The following CXXC4 variants were observed in gnomAD, a reference collection of about 807,000 sequenced individuals.
The protein encoded by CXXC4 is CXXC-type zinc finger protein 4.
Under a neutral mutation model 20.5 loss-of-function variants are expected in CXXC4, and 5 were observed. The observed-to-expected ratio is 0.24, with a 90% CI of 0.13 to 0.51. The LOEUF (loss-of-function observed/expected upper bound fraction) is 0.51. Among genes scored for constraint, CXXC4 ranks in the 20% least tolerant of loss-of-function variants. CXXC4 has a pLI of 0.97. For synonymous variants in CXXC4, 250 were observed against 216.4 expected (o/e 1.16, Z -1.36); for missense variants, 419 against 496.4 (o/e 0.84, Z 1.48).
At position 104,471,444 on chromosome 4, in the gene CXXC4, A is replaced by T. The variant is rs1448377199; in HGVS notation, c.*878T>A. The T allele has an allele frequency of 2.6e-5, 4 of 151,412 alleles. No individual in the cohort carries two copies. The highest frequency in any genetic ancestry group is 9.7e-5 in the African/African-American group (4 of 41,242). The allele number at this position is 151,412 out of a possible 1,614,324, so 9.4% of individuals were successfully genotyped here. A position where few individuals can be genotyped will look rare whatever the true frequency, so the allele number is the denominator to read the frequency against. ...TTAGCCTAAAAAACACCGTTTTTATAAAAAAAAATTATACAACTGATTCTG... is the reference window on the plus strand; with the variant it reads ...TTAGCCTAAAAAACACCGTTTTTATTAAAAAAAATTATACAACTGATTCTG... On this transcript the variant is annotated 3_prime_UTR_variant, in exon 3 of 3. Transcript: ENST00000394767.
At chr4:104,488,474 T>G (rs1736751503) in intron 2 of CXXC4, among the ~76,000 whole-genome samples, 1 of 152,204 alleles carries the variant, frequency 6.6e-6, no homozygotes, top group African/African-American at 2.4e-5. Context: ...AAAAAAAGCT[T>G]TTTATTTCTT....
At chr4:104,484,038 C>G (rs1243351931) in intron 2 of CXXC4, among the ~76,000 whole-genome samples, 1 of 151,916 alleles carries the variant, frequency 6.6e-6, no homozygotes, top group Non-Finnish European at 1.5e-5. Flanking sequence ...AACAAATATT[C>G]AAAAACCACA....
At chr4:104,483,191 C>T (rs931420764) in intron 2 of CXXC4, among the ~76,000 whole-genome samples, 5 of 151,924 alleles carry the variant, frequency 3.3e-5, no homozygotes, top group African/African-American at 7.2e-5. Context: ...TCAGTTCTGA[C>T]TCTCAAACCA....
chr4:104,492,677 G>A (rs973181854), intron 1 of CXXC4, among the ~76,000 whole-genome samples: 23 of 152,256 alleles, frequency 1.5e-4, no homozygotes, highest in African/African-American at 4.8e-4. Flanking sequence ...AGCTGCCACA[G>A]TATCCTTCTG....
intron 2 of CXXC4, among the ~76,000 whole-genome samples, chr4:104,482,646 G>A (rs771630140): frequency 6.6e-5 from 10 of 151,954 alleles, no homozygotes; most frequent in Admixed American, 1.3e-4. Flanking sequence ...ACTAGTTCTC[G>A]CCATTTCCAC....
rs189558755 is a variant in CXXC4, at chr4:104,490,832, C to T, written c.971G>A (p.Ser324Asn). 6.2e-7 allele frequency: 1 copy of T among 1,614,248 alleles called. No homozygotes were observed. Among genetic ancestry groups the T allele is most frequent in the Admixed American group, 1.7e-5 (1 of 60,036 alleles). The change falls in exon 2 of 3, where the codon AGC becomes AAC. Residue 324 changes from serine (S) to asparagine (N), a missense_variant. Transcript: ENST00000394767. The stretch of plus-strand genomic sequence containing the variant: ...TCCCGTTTTGCGGTTCCTGCAACTG[C>T]TGCAGACGCCACAGTTGATGAGCCT... Reference protein sequence around the residue: ...CKRLINCGVCSSCRNRKTGHQ... With the variant: ...CKRLINCGVCNSCRNRKTGHQ...
chr4:104,491,071 G>A lies in CXXC4; in HGVS notation c.732C>T (p.Gly244=). ...CGATGACCCCTGGAGGTAATGAGAT[G>A]CCCCCTAAAGCCGGGATAGCGGAAA... ...GTFSAIPALG[G]ISLPPGVIVM... The change falls in exon 2 of 3, where the codon GGC becomes GGT. Residue 244 remains glycine, a synonymous_variant. Transcript: ENST00000394767. 2 of 1,614,058 alleles carry A rather than the reference G, an allele frequency of 1.2e-6. No individual in the cohort carries two copies. Among genetic ancestry groups the A allele is most frequent in the South Asian group, 2.2e-5 (2 of 91,076 alleles).
In CXXC4 at chr4:104,487,449, G is replaced by T. The variant is rs553909161; in HGVS notation, c.1059+3295C>A. On this transcript the variant is annotated intron_variant, in intron 2 of 2. Transcript: ENST00000394767. ...TATCCCTTGAGCCATATCAGATTGGGATATTTTTAAAAGTTAGAAGTCAGT... is the reference window on the plus strand; with the variant it reads ...TATCCCTTGAGCCATATCAGATTGGTATATTTTTAAAAGTTAGAAGTCAGT... Among the ~76,000 whole-genome samples the T allele has an allele frequency of 3.3e-5, 5 of 152,156 alleles. No homozygotes were observed. The South Asian group carries it at 1.0e-3, about 32-fold the overall frequency.
chr4:104,482,989 A>G (rs1736594192), intron 2 of CXXC4, among the ~76,000 whole-genome samples: 1 of 152,000 alleles, frequency 6.6e-6, no homozygotes, highest in Admixed American at 6.6e-5. Flanking sequence ...ATGTTTTCTA[A>G]AATATGAATT....
chr4:104,485,681 A>G (rs1211234246), intron 2 of CXXC4, among the ~76,000 whole-genome samples: 3 of 152,068 alleles, frequency 2.0e-5, no homozygotes, highest in Non-Finnish European at 4.4e-5. Flanking sequence ...TATTCCAACA[A>G]TGTTTCCACC....
rs1219987461 is a variant in CXXC4, at chr4:104,492,057, C to A, written c.-255G>T. ...CCTTTGCATTATCCTCCAACTGTTA[C>A]AACTAAAATAAAGAAAGTCATTCCA... On this transcript the variant is annotated splice_region_variant and 5_prime_UTR_variant, in exon 2 of 3. Coordinates refer to ENST00000394767, the MANE Select transcript of CXXC4 (RefSeq NM_025212.4). 1 of 343,076 alleles carries A rather than the reference C, an allele frequency of 2.9e-6. No homozygotes were observed. Among genetic ancestry groups the A allele is most frequent in the Non-Finnish European group, 5.2e-6 (1 of 190,528 alleles). 21.3% of individuals were successfully genotyped at this position (343,076 alleles called of 1,614,324 possible).
Position 104,491,416 on chromosome 4 carries a change from CCCGCCCCCGCCTCCGCCG to C in CXXC4, c.369_386del (p.Gly129_Gly134del), listed in dbSNP as rs1736865321. 4 of 1,024,706 alleles carry C rather than the reference CCCGCCCCCGCCTCCGCCG, an allele frequency of 3.9e-6. No homozygotes were observed. The highest frequency in any genetic ancestry group is 4.9e-6 in the Non-Finnish European group (4 of 810,558). 63.5% of individuals were successfully genotyped at this position (1,024,706 alleles called of 1,614,324 possible). A position where few individuals can be genotyped will look rare whatever the true frequency, so the allele number is the denominator to read the frequency against. On this transcript the variant is annotated inframe_deletion, in exon 2 of 3. Transcript: ENST00000394767. ...AGGATTTCCTGCCGCCCCCACCACCCCCGCCCCCGCCTCCGCCGCCGCCGCCGCCGCCGCCACCCCCCC... is the reference window on the plus strand; with the variant it reads ...AGGATTTCCTGCCGCCCCCACCACCCCCGCCGCCGCCGCCGCCACCCCCCC...
intron 2 of CXXC4, among the ~76,000 whole-genome samples, chr4:104,488,525 C>T (rs750202566): frequency 6.6e-6 from 1 of 152,170 alleles, no homozygotes; most frequent in Non-Finnish European, 1.5e-5. Context: ...AGCCTTGAAA[C>T]ACAGCCCATG....
At chr4:104,473,717 A>C (rs1266062888) in intron 2 of CXXC4, among the ~76,000 whole-genome samples, 1 of 151,978 alleles carries the variant, frequency 6.6e-6, no homozygotes, top group South Asian at 2.1e-4. Context: ...GTAAGTGCCA[A>C]TATATTTACT....
chr4:104,491,563 G>T lies in CXXC4; in HGVS notation c.240C>A (p.Ala80=). ...AGGGGGACATGCCGATGCGCGCGGC[G>T]GCCGCGGCGGCGGCGGCGCTGCTGG... ...IFPSSAAAAA[A]AARIGMSPWN... Residue 80 remains alanine (A), a synonymous_variant, in exon 2 of 3, where the codon GCC becomes GCA. Coordinates refer to ENST00000394767, the MANE Select transcript of CXXC4 (RefSeq NM_025212.4). 1 of 1,510,702 alleles carries T rather than the reference G, an allele frequency of 6.6e-7. No homozygotes were observed. The highest frequency in any genetic ancestry group is 1.4e-5 in the African/African-American group (1 of 69,410). The allele number at this position is 1,510,702 out of a possible 1,614,324, so 93.6% of individuals were successfully genotyped here. A position where few individuals can be genotyped will look rare whatever the true frequency, so the allele number is the denominator to read the frequency against.
In CXXC4 at chr4:104,471,584, T is replaced by C. The variant is rs940606437; in HGVS notation, c.*738A>G. On this transcript the variant is annotated 3_prime_UTR_variant, in exon 3 of 3. Transcript: ENST00000394767. Reference sequence around the variant, plus strand: ...ACAGCTCGTTTGTAAGCAATGCAAGTGCATAACCACTACTCTAATATAGTG... The same window carrying C: ...ACAGCTCGTTTGTAAGCAATGCAAGCGCATAACCACTACTCTAATATAGTG... 2.0e-5 allele frequency: 3 copies of C among 152,076 alleles called. No individual in the cohort carries two copies. Among genetic ancestry groups the C allele is most frequent in the Admixed American group, 6.6e-5 (1 of 15,236 alleles). The allele number at this position is 152,076 out of a possible 1,614,324, so 9.4% of individuals were successfully genotyped here.
At chr4:104,485,176 T>C (rs146080581) in intron 2 of CXXC4, among the ~76,000 whole-genome samples, 392 of 152,210 alleles carry the variant, frequency 2.6e-3, no homozygotes, top group Non-Finnish European at 4.4e-3. Context: ...GACATTTTGA[T>C]CAGTGACTAA....
chr4:104,476,306 T>C (rs899736014), intron 2 of CXXC4, among the ~76,000 whole-genome samples: 11 of 152,310 alleles, frequency 7.2e-5, no homozygotes, highest in African/African-American at 2.6e-4. Context: ...TTTTAGCATG[T>C]TTCTCTTCTC....
In CXXC4 at chr4:104,472,186, TTG is replaced by T; in HGVS notation, c.*134_*135del. On this transcript the variant is annotated 3_prime_UTR_variant, in exon 3 of 3. Coordinates refer to ENST00000394767, the MANE Select transcript of CXXC4 (RefSeq NM_025212.4). ...TTTCTTTTCCTCTTTTTTTTTTTTT[TTG>T]AAGAAAGCCCTATACATAAAATGAA... 1.1e-5 allele frequency: 5 copies of T among 449,262 alleles called. No homozygotes were observed. The highest frequency in any genetic ancestry group is 7.2e-5 in the South Asian group (1 of 13,842). The allele number at this position is 449,262 out of a possible 1,614,324, so 27.8% of individuals were successfully genotyped here.
Sources: allele counts gnomAD v4.1 joint callset (sites outside exome capture counted in the v4.1 genomes callset), GRCh38; gene constraint gnomAD v4.1.1; transcripts MANE v1.5; gene names NCBI Gene and HGNC (gene_info 2026-07-23, HGNC 2026-07-21).